Variants in PRKCE observed in about 807,000 individuals in gnomAD.
The protein encoded by PRKCE is protein kinase C epsilon type.
In PRKCE, 16 loss-of-function variants were observed where a neutral mutation model predicts 85.4. The observed-to-expected ratio is 0.19, with a 90% CI of 0.13 to 0.28. The LOEUF is 0.28. Ranked by LOEUF, PRKCE falls within the 10% of genes least tolerant of loss-of-function variation. The pLI is 1.00. For synonymous variants in PRKCE, 388 were observed against 371.5 expected, an observed-to-expected ratio of 1.04 and a Z score of -0.51; for missense variants, 573 against 975.2, an observed-to-expected ratio of 0.59 and a Z score of 5.49.
At chr2:46,099,740 T>C (rs1485176475) in intron 11 of PRKCE, among the ~76,000 whole-genome samples, 1 of 152,208 alleles carries the variant, frequency 6.6e-6, no homozygotes, top group Non-Finnish European at 1.5e-5. Context: ...GCCCATGATT[T>C]CTTGACTAAC....
At chr2:46,065,521 C>T (rs1667555326) in intron 10 of PRKCE, among the ~76,000 whole-genome samples, 1 of 152,100 alleles carries the variant, frequency 6.6e-6, no homozygotes, top group Non-Finnish European at 1.5e-5. Context: ...TTGTTCTTCT[C>T]ATCTGAATAG....
intron 1 of PRKCE, among the ~76,000 whole-genome samples, chr2:45,792,303 G>A (rs548402600): frequency 2.0e-5 from 3 of 152,296 alleles, no homozygotes; most frequent in East Asian, 3.9e-4. Flanking sequence ...ATTCATGAGA[G>A]ATCCATCCCC....
In PRKCE at chr2:45,721,235, C is replaced by G. The variant is rs529184471; in HGVS notation, c.348+68787C>G. 2.0e-5 allele frequency among the ~76,000 whole-genome samples: 3 copies of G among 152,290 alleles called. No individual in the cohort carries two copies. In the East Asian group the frequency reaches 5.8e-4, roughly 29 times the overall value. ...AGGAAACTGAGGCTCTGTAACTTGC[C>G]CAAGGTCAGCCTGCTAGTTAAGAGG... On this transcript the variant is annotated intron_variant, in intron 1 of 14. Coordinates refer to ENST00000306156, the MANE Select transcript of PRKCE (RefSeq NM_005400.3).
intron 2 of PRKCE, among the ~76,000 whole-genome samples, chr2:45,933,662 G>C (rs1699230084): frequency 1.3e-5 from 2 of 151,742 alleles, no homozygotes; most frequent in African/African-American, 4.8e-5. Flanking sequence ...GTTTTTAGTG[G>C]AGACGGGGTT....
chr2:45,752,650 A>G (rs1347143403), intron 1 of PRKCE, among the ~76,000 whole-genome samples: 1 of 152,100 alleles, frequency 6.6e-6, no homozygotes, highest in African/African-American at 2.4e-5. Flanking sequence ...TAGACACTGA[A>G]GCAGGGCCTT....
chr2:45,748,411 G>C (rs768074144), intron 1 of PRKCE, among the ~76,000 whole-genome samples: 3 of 152,224 alleles, frequency 2.0e-5, no homozygotes, highest in African/African-American at 7.2e-5. Context: ...GTGAGAGAGC[G>C]CAAGCAAGCT....
chr2:46,159,826 A>C lies in PRKCE; in HGVS notation c.2067+74A>C. 1 of 1,566,588 alleles carries C rather than the reference A, an allele frequency of 6.4e-7. No homozygotes were observed. The highest frequency in any genetic ancestry group is 1.8e-5 in the Admixed American group (1 of 54,236). On this transcript the variant is annotated intron_variant, in intron 14 of 14. Coordinates refer to ENST00000306156, the MANE Select transcript of PRKCE (RefSeq NM_005400.3). This position sits in a 1 kb window ranked among gnomAD's most constrained non-coding sequence, Gnocchi z 4.1. Reference sequence around the variant, plus strand: ...CTTGCAGGACAGGCTGCGTGCACCCAGGAAGAGTTGGTCAGGGGATGCGTA... The same window carrying C: ...CTTGCAGGACAGGCTGCGTGCACCCCGGAAGAGTTGGTCAGGGGATGCGTA...
At chr2:45,798,960 G>A (rs758801912) in intron 1 of PRKCE, among the ~76,000 whole-genome samples, 5 of 152,068 alleles carry the variant, frequency 3.3e-5, no homozygotes, top group Non-Finnish European at 5.9e-5. Flanking sequence ...AAGGTCAGGA[G>A]ATCAAGACCA....
chr2:45,793,454 G>A (rs1687184835), intron 1 of PRKCE, among the ~76,000 whole-genome samples: 2 of 152,190 alleles, frequency 1.3e-5, no homozygotes, highest in Non-Finnish European at 1.5e-5. Flanking sequence ...TGGAAACCCT[G>A]AGAGCTGACA....
intron 10 of PRKCE, among the ~76,000 whole-genome samples, chr2:46,058,525 G>A (rs561311269): frequency 6.6e-6 from 1 of 152,312 alleles, no homozygotes; most frequent in African/African-American, 2.4e-5. Context: ...GTGGAGAAGG[G>A]GAGATGAGAG....
chr2:46,026,823 C>T (rs6748835), intron 10 of PRKCE, among the ~76,000 whole-genome samples: 1 of 151,998 alleles, frequency 6.6e-6, no homozygotes, highest in South Asian at 2.1e-4. Flanking sequence ...ATTTCCATTT[C>T]TATAAAACCC....
At chr2:45,684,573 G>A (rs1677146792) in intron 1 of PRKCE, among the ~76,000 whole-genome samples, 1 of 152,210 alleles carries the variant, frequency 6.6e-6, no homozygotes, top group Non-Finnish European at 1.5e-5. Context: ...AAAAATGTTG[G>A]TTGGACCTAC....
At chr2:46,165,255 C>G (rs1174998289) in intron 14 of PRKCE, among the ~76,000 whole-genome samples, 2 of 152,230 alleles carry the variant, frequency 1.3e-5, no homozygotes, top group Non-Finnish European at 2.9e-5. Context: ...CTCCCTCCTC[C>G]ACTTTCCCTT....
intron 2 of PRKCE, among the ~76,000 whole-genome samples, chr2:45,882,062 G>A (rs1050514201): frequency 5.3e-5 from 8 of 152,218 alleles, no homozygotes; most frequent in Non-Finnish European, 1.2e-4. Flanking sequence ...AACTAAGCAT[G>A]AGTTAATATT....
chr2:45,757,709 A>T (rs2104798203), intron 1 of PRKCE, among the ~76,000 whole-genome samples: 1 of 152,248 alleles, frequency 6.6e-6, no homozygotes, highest in East Asian at 1.9e-4. Flanking sequence ...TAATTTAGAG[A>T]TTCAATGCAA....
In PRKCE at chr2:45,734,601, G is replaced by A. The variant is rs1473564703; in HGVS notation, c.348+82153G>A. 3.3e-5 allele frequency among the ~76,000 whole-genome samples: 5 copies of A among 152,200 alleles called. No homozygotes were observed. In the East Asian group the frequency reaches 9.6e-4, roughly 29 times the overall value. Reference sequence around the variant, plus strand: ...AAAGGAGATGAGGTTACACAGGTCCGTGTGTTCTCCGCCTTCCTGGAGCAA... The same window carrying A: ...AAAGGAGATGAGGTTACACAGGTCCATGTGTTCTCCGCCTTCCTGGAGCAA... On this transcript the variant is annotated intron_variant, in intron 1 of 14. Coordinates refer to ENST00000306156, the MANE Select transcript of PRKCE (RefSeq NM_005400.3).
At chr2:45,832,345 C>T (rs1211701541) in intron 1 of PRKCE, among the ~76,000 whole-genome samples, 1 of 148,422 alleles carries the variant, frequency 6.7e-6, no homozygotes, top group African/African-American at 2.5e-5. Flanking sequence ...CAGAGTCTCA[C>T]TCTGTTGCCC....
chr2:46,090,443 C>G (rs1670057320), intron 11 of PRKCE, among the ~76,000 whole-genome samples: 2 of 152,024 alleles, frequency 1.3e-5, no homozygotes, highest in African/African-American at 2.4e-5. Flanking sequence ...CTTATGATAC[C>G]TCTTCTGTGA....
intron 2 of PRKCE, among the ~76,000 whole-genome samples, chr2:45,947,374 C>T (rs769812136): frequency 6.6e-6 from 1 of 151,810 alleles, no homozygotes; most frequent in Non-Finnish European, 1.5e-5. Context: ...CTTCTGTTTG[C>T]GGGGGATGAA....
Sources: allele counts gnomAD v4.1 joint callset (sites outside exome capture counted in the v4.1 genomes callset), GRCh38; gene constraint gnomAD v4.1.1; non-coding constraint Gnocchi (gnomAD v3.1); transcripts MANE v1.5; gene names NCBI Gene and HGNC (gene_info 2026-07-23, HGNC 2026-07-21).